Variants in SLC7A5 observed in about 807,000 individuals in gnomAD.
The protein encoded by SLC7A5 is solute carrier family 7 member 5, also known as large neutral amino acids transporter small subunit 1.
In SLC7A5, 23 loss-of-function variants were observed where a neutral mutation model predicts 50.2. The observed-to-expected ratio is 0.46, with a 90% CI of 0.33 to 0.65. The LOEUF (loss-of-function observed/expected upper bound fraction) is 0.65. SLC7A5 is among the 30% of genes least tolerant of loss of function. The pLI is 0.02. For synonymous variants in SLC7A5, 393 were observed against 330.6 expected (o/e 1.19, Z -2.05); for missense variants, 578 against 684.4 (o/e 0.84, Z 1.73).
rs966311199 is a variant in SLC7A5 at position 87,851,653 on chromosome 16, C to T, written c.664+71G>A. 109 of 1,576,906 alleles carry T rather than the reference C, an allele frequency of 6.9e-5. No homozygotes were observed. In the South Asian group the frequency reaches 7.3e-4, roughly 11 times the overall value. ...ACTGGGAGGCACCCGGGGACGGGAC[C>T]TCATGCCCTGTGAAGGACACACAGG... On this transcript the variant is annotated intron_variant, in intron 2 of 9. Coordinates refer to ENST00000261622, the MANE Select transcript of SLC7A5 (RefSeq NM_003486.7).
intron 1 of SLC7A5, among the ~76,000 whole-genome samples, chr16:87,867,887 G>A (rs539312827): frequency 1.4e-3 from 212 of 152,176 alleles, no homozygotes; most frequent in Admixed American, 4.8e-3. Flanking sequence ...AGGCCGAGGC[G>A]GGCGGATCAC....
chr16:87,848,085 G>A lies in SLC7A5; in HGVS notation c.664+3639C>T, dbSNP rs1201139062. On this transcript the variant is annotated intron_variant, in intron 2 of 9. Coordinates refer to ENST00000261622, the MANE Select transcript of SLC7A5 (RefSeq NM_003486.7). Reference sequence around the variant, plus strand: ...GGTGAAGGACAGCAAGAGGCACGCCGCCCTGGCAGGCTGCGGCTTTCTTTC... The same window carrying A: ...GGTGAAGGACAGCAAGAGGCACGCCACCCTGGCAGGCTGCGGCTTTCTTTC... Among the ~76,000 whole-genome samples the A allele has an allele frequency of 3.3e-5, 5 of 152,272 alleles. No individual in the cohort carries two copies. In the South Asian group the frequency reaches 8.3e-4, roughly 25 times the overall value.
intron 1 of SLC7A5, among the ~76,000 whole-genome samples, chr16:87,865,648 A>G (rs1242824661): frequency 6.6e-6 from 1 of 152,164 alleles, no homozygotes; most frequent in Non-Finnish European, 1.5e-5. Context: ...CGGAGGTTGT[A>G]GTGAGCCAAG....
chr16:87,859,776 TA>T (rs2055365877), intron 1 of SLC7A5, among the ~76,000 whole-genome samples: 2 of 151,680 alleles, frequency 1.3e-5, no homozygotes, highest in Admixed American at 6.6e-5. Flanking sequence ...CCATCTCTAC[TA>T]AAAATACAAA....
Position 87,839,769 on chromosome 16 carries a change from A to G in SLC7A5, c.872T>C (p.Leu291Pro). 1 of 1,614,000 alleles carries G rather than the reference A, an allele frequency of 6.2e-7. No individual in the cohort carries two copies. Among genetic ancestry groups the G allele is most frequent in the Non-Finnish European group, 8.5e-7 (1 of 1,179,992 alleles). ...GGTGGTGAAGTAGGCCAGGTTGGTC[A>G]GCACGTACACCAGCGTCACGATGGG... ...SLPIVTLVYV[L>P]TNLAYFTTLS... Residue 291 changes from leucine to proline, a missense_variant, in exon 5 of 10, where the codon CTG becomes CCG. Physicochemically the swap from Leu to Pro is moderately conservative, Grantham distance 98 (BLOSUM62 -3). Transcript: ENST00000261622.
At position 87,841,558 on chromosome 16, in the gene SLC7A5, G is replaced by A. The variant is rs537936635; in HGVS notation, c.665-403C>T. 7.9e-5 allele frequency among the ~76,000 whole-genome samples: 12 copies of A among 152,336 alleles called. No homozygotes were observed. In the East Asian group the frequency reaches 1.4e-3, roughly 17 times the overall value. ...AGACCTCGGTTTGCATCCTGGCTAC[G>A]GCAACAAGGAAGGCCCAGAGCCACT... On this transcript the variant is annotated intron_variant, in intron 2 of 9. Transcript: ENST00000261622. The surrounding 1 kb of genome is among the most constrained non-coding windows in gnomAD (Gnocchi z 4.8).
chr16:87,837,049 C>G (rs760497128), intron 7 of SLC7A5, among the ~76,000 whole-genome samples: 1 of 152,234 alleles, frequency 6.6e-6, no homozygotes, highest in East Asian at 1.9e-4. Context: ...CTGTAACCCC[C>G]GGCACAGCCG....
chr16:87,867,339 T>C (rs1271680025), intron 1 of SLC7A5, among the ~76,000 whole-genome samples: 2 of 152,148 alleles, frequency 1.3e-5, no homozygotes, highest in Non-Finnish European at 2.9e-5. Flanking sequence ...GAAATTCTAA[T>C]GACAAAAAAA....
chr16:87,851,983 G>T, intron 1 of SLC7A5, 134 bp from the exon 2 acceptor site: 1 of 1,016,072 alleles, frequency 9.8e-7, no homozygotes, highest in East Asian at 2.6e-5. Flanking sequence ...AACAGCTCCA[G>T]TCCCCTGCCA....
intron 2 of SLC7A5, among the ~76,000 whole-genome samples, chr16:87,845,019 G>C (rs2090251030): frequency 6.6e-6 from 1 of 152,222 alleles, no homozygotes; most frequent in Non-Finnish European, 1.5e-5. Flanking sequence ...GACAGAGCCA[G>C]AGCCAGCCCA....
intron 3 of SLC7A5, among the ~76,000 whole-genome samples, chr16:87,840,773 C>T (rs2055073651): frequency 6.6e-6 from 1 of 152,204 alleles, no homozygotes; most frequent in Admixed American, 6.5e-5. Context: ...GGAAAGGGGC[C>T]GCAGGGCTCA....
At chr16:87,836,106 G>A (rs1475656231) in intron 8 of SLC7A5, among the ~76,000 whole-genome samples, 1 of 152,212 alleles carries the variant, frequency 6.6e-6, no homozygotes, top group Non-Finnish European at 1.5e-5. Context: ...GGGCCCAGGC[G>A]CTCCTCGGGC....
chr16:87,854,075 C>A (rs1321013376), intron 1 of SLC7A5: 4 of 87,080 alleles, frequency 4.6e-5, no homozygotes, highest in African/African-American at 1.4e-4. Flanking sequence ...CCCCCCCGCC[C>A]CCCCCCCCAC....
At chr16:87,867,770 C>T (rs1336473571) in intron 1 of SLC7A5, among the ~76,000 whole-genome samples, 3 of 152,142 alleles carry the variant, frequency 2.0e-5, no homozygotes, top group African/African-American at 7.2e-5. Flanking sequence ...GCCACCCAAC[C>T]AAATCATGTG....
chr16:87,837,839 G>A lies in SLC7A5; in HGVS notation c.1140+6C>T, dbSNP rs1045022509. The A allele has an allele frequency of 1.3e-6, 2 of 1,599,670 alleles. No individual in the cohort carries two copies. The highest frequency in any genetic ancestry group is 1.7e-6 in the Non-Finnish European group (2 of 1,174,454). ...TGTAGGGCACAGGGCCGTGCAGCAG[G>A]CTTACCGTGAACACGAGGGACGGCA... On this transcript the variant is annotated splice_donor_region_variant and intron_variant, in intron 7 of 9. Transcript: ENST00000261622.
chr16:87,836,585 G>A lies in SLC7A5; in HGVS notation c.1203C>T (p.Ser401=). ...GGGCCACGCAGAGCCAGTTGAAGAAGCTGAAGAAGTTGATGACGGAGAAGA... is the reference window on the plus strand; with the variant it reads ...GGGCCACGCAGAGCCAGTTGAAGAAACTGAAGAAGTTGATGACGGAGAAGA... ...KDIFSVINFF[S]FFNWLCVALA... Residue 401 remains serine (S), a synonymous_variant, in exon 8 of 10, where the codon AGC becomes AGT. Transcript: ENST00000261622. 2 of 1,613,740 alleles carry A rather than the reference G, an allele frequency of 1.2e-6. No individual in the cohort carries two copies. The highest frequency in any genetic ancestry group is 2.2e-5 in the East Asian group (1 of 44,886).
chr16:87,847,189 C>T (rs970935545), intron 2 of SLC7A5, among the ~76,000 whole-genome samples: 2 of 152,210 alleles, frequency 1.3e-5, no homozygotes, highest in African/African-American at 4.8e-5. Flanking sequence ...AGGGGGGCTT[C>T]TCAGTCCACG....
intron 1 of SLC7A5, among the ~76,000 whole-genome samples, chr16:87,858,812 G>C (rs2055352699): frequency 6.6e-6 from 1 of 152,208 alleles, no homozygotes; most frequent in Non-Finnish European, 1.5e-5. Flanking sequence ...AACAGACTCT[G>C]CGCTCAGGCT....
chr16:87,869,324 G>C lies in SLC7A5; in HGVS notation c.99C>G (p.Asp33Glu). ...REKMLAAKSA[D>E]GSAPAGEGEG... ...CGCCCTCGCCTGCCGGCGCCGAGCC[G>C]TCCGCGCTCTTGGCGGCCAGCATCT... is the stretch of plus-strand genomic sequence containing the variant. The change falls in exon 1 of 10, where the codon GAC (aspartate) becomes GAG (glutamate). Residue 33 changes from aspartate (D) to glutamate (E), a missense_variant. Asp to Glu is a conservative substitution (Grantham distance 45). Around this residue, in one of 2 missense-constraint regions of SLC7A5, gnomAD observed 113 missense variants for 89.8 expected, o/e 1.26. Transcript: ENST00000261622. The C allele has an allele frequency of 1.2e-6, 2 of 1,610,436 alleles. No homozygotes were observed. Among genetic ancestry groups the C allele is most frequent in the South Asian group, 2.2e-5 (2 of 90,932 alleles).
Sources: allele counts gnomAD v4.1 joint callset (sites outside exome capture counted in the v4.1 genomes callset), GRCh38; gene constraint gnomAD v4.1.1; regional missense constraint gnomAD v4.1.1; non-coding constraint Gnocchi (gnomAD v3.1); transcripts MANE v1.5; gene names NCBI Gene and HGNC (gene_info 2026-07-23, HGNC 2026-07-21).